KLHL1: variants seen among roughly 807,000 people sequenced by gnomAD.
KLHL1 encodes kelch-like protein 1.
In KLHL1, 47 loss-of-function variants were observed where a neutral mutation model predicts 77.7. The ratio of observed to expected loss-of-function variants is 0.60; its 90% CI spans 0.48 to 0.77. KLHL1 has a LOEUF of 0.77. Ranked by LOEUF, KLHL1 falls within the 30% of genes least tolerant of loss-of-function variation. The pLI, the probability that KLHL1 is intolerant of heterozygous loss-of-function variation, is 0.00. For missense variants in KLHL1, 925 were observed against 910.8 expected (o/e 1.02, Z -0.20); for synonymous variants, 360 against 325.2 (o/e 1.11, Z -1.15).
At chr13:69,880,885 G>T (rs1206360700) in intron 5 of KLHL1, among the ~76,000 whole-genome samples, 4 of 152,074 alleles carry the variant, frequency 2.6e-5, no homozygotes, top group African/African-American at 4.8e-5. Flanking sequence ...AGAGTCAAAG[G>T]TACCCACTGT....
chr13:70,101,104 A>G (rs1887911562), intron 1 of KLHL1, among the ~76,000 whole-genome samples: 1 of 152,202 alleles, frequency 6.6e-6, no homozygotes, highest in Admixed American at 6.5e-5. Flanking sequence ...ACAAACACAA[A>G]TATCTGATTA....
intron 1 of KLHL1, among the ~76,000 whole-genome samples, chr13:70,029,666 C>T (rs1886045984): frequency 6.6e-6 from 1 of 152,148 alleles, no homozygotes; most frequent in Non-Finnish European, 1.5e-5. Context: ...ATCGTAAAGA[C>T]CATCGATGCT....
At chr13:69,718,907 G>T (rs922697807) in intron 9 of KLHL1, among the ~76,000 whole-genome samples, 1 of 152,070 alleles carries the variant, frequency 6.6e-6, no homozygotes, top group Non-Finnish European at 1.5e-5. Context: ...AAAAGAACTT[G>T]ATAATTCACC....
chr13:70,061,407 T>A (rs928525524), intron 1 of KLHL1, among the ~76,000 whole-genome samples: 2 of 151,582 alleles, frequency 1.3e-5, no homozygotes, highest in East Asian at 3.9e-4. Context: ...TTTAAGTGGT[T>A]TTTACTGCTT....
At chr13:69,765,130 C>T (rs369943089) in intron 7 of KLHL1, among the ~76,000 whole-genome samples, 29 of 150,822 alleles carry the variant, frequency 1.9e-4, no homozygotes, top group Middle Eastern at 3.4e-3. Flanking sequence ...TATTATTTTT[C>T]GAGTAGAGAT....
chr13:70,068,137 C>T (rs1452998538), intron 1 of KLHL1, among the ~76,000 whole-genome samples: 14 of 150,898 alleles, frequency 9.3e-5, no homozygotes, highest in African/African-American at 3.4e-4. Flanking sequence ...GTCAGGAGAT[C>T]GAGACCATCC....
chr13:70,024,161 C>T (rs1885873983), intron 1 of KLHL1, among the ~76,000 whole-genome samples: 1 of 151,780 alleles, frequency 6.6e-6, no homozygotes, highest in African/African-American at 2.4e-5. Context: ...TACATTTTCT[C>T]AAAACCTTGA....
intron 6 of KLHL1, among the ~76,000 whole-genome samples, chr13:69,808,470 T>C (rs1030963945): frequency 1.3e-5 from 2 of 152,022 alleles, no homozygotes; most frequent in Non-Finnish European, 2.9e-5. Context: ...GGCCTGGCAC[T>C]CTGAAAGCAC....
At chr13:69,883,299 T>TC (rs1199354015) in intron 4 of KLHL1, among the ~76,000 whole-genome samples, 1 of 152,218 alleles carries the variant, frequency 6.6e-6, no homozygotes, top group African/African-American at 2.4e-5. Context: ...TCTGACCTTT[T>TC]CCTGTTCTCT....
intron 1 of KLHL1, among the ~76,000 whole-genome samples, chr13:70,098,250 T>C (rs1437760271): frequency 6.6e-6 from 1 of 151,910 alleles, no homozygotes; most frequent in African/African-American, 2.4e-5. Context: ...GGTGACCTCA[T>C]GTTCTTCATG....
intron 1 of KLHL1, among the ~76,000 whole-genome samples, chr13:70,037,020 C>T (rs1334757480): frequency 6.6e-6 from 1 of 151,856 alleles, no homozygotes; most frequent in African/African-American, 2.4e-5. Context: ...TAGTCACTCT[C>T]TCCTGGTTTA....
At chr13:69,947,349 T>C (rs147933502) in intron 3 of KLHL1, among the ~76,000 whole-genome samples, 16 of 152,208 alleles carry the variant, frequency 1.1e-4, no homozygotes, top group South Asian at 2.1e-4. Flanking sequence ...TATATTACTA[T>C]ATTTCTTTAT....
chr13:70,044,115 T>C (rs1351218955), intron 1 of KLHL1, among the ~76,000 whole-genome samples: 8 of 152,200 alleles, frequency 5.3e-5, no homozygotes, highest in Non-Finnish European at 7.3e-5. Flanking sequence ...TAGAGCCCTA[T>C]GTTACCTAGC....
At chr13:70,100,899 CT>C (rs1887908481) in intron 1 of KLHL1, among the ~76,000 whole-genome samples, 1 of 152,136 alleles carries the variant, frequency 6.6e-6, no homozygotes, top group Non-Finnish European at 1.5e-5. Context: ...CATTGAGACT[CT>C]GATTAAAATG....
chr13:70,032,224 A>G (rs1886119681), intron 1 of KLHL1, among the ~76,000 whole-genome samples: 1 of 152,204 alleles, frequency 6.6e-6, no homozygotes, highest in African/African-American at 2.4e-5. Flanking sequence ...AGGACGTAAA[A>G]AGACTTGATG....
At chr13:69,867,893 C>T (rs911118931) in intron 5 of KLHL1, among the ~76,000 whole-genome samples, 1 of 151,042 alleles carries the variant, frequency 6.6e-6, no homozygotes, top group South Asian at 2.1e-4. Context: ...AGGAGATATA[C>T]CTAATGTTAA....
At chr13:70,053,884 A>T (rs1886684725) in intron 1 of KLHL1, among the ~76,000 whole-genome samples, 1 of 152,190 alleles carries the variant, frequency 6.6e-6, no homozygotes, top group Non-Finnish European at 1.5e-5. Context: ...TTACTGTCCA[A>T]TAGGGAATGC....
intron 5 of KLHL1, among the ~76,000 whole-genome samples, chr13:69,853,347 C>T (rs1879768756): frequency 6.6e-6 from 1 of 152,002 alleles, no homozygotes; most frequent in Admixed American, 6.6e-5. Context: ...CTCAGCACTT[C>T]TCCTTCCTGC....
At chr13:69,798,568 A>G (rs955862473) in intron 6 of KLHL1, among the ~76,000 whole-genome samples, 2 of 152,000 alleles carry the variant, frequency 1.3e-5, no homozygotes, top group Admixed American at 6.6e-5. Context: ...AAGTTATTCA[A>G]TACTGTTTAT....
Sources: gnomAD v4.1 joint callset for allele counts (sites outside exome capture counted in the v4.1 genomes callset) on GRCh38, gnomAD v4.1.1 for gene constraint, MANE v1.5 for transcripts, NCBI Gene and HGNC (gene_info 2026-07-23, HGNC 2026-07-21) for gene names.